The following IFFO2 variants were observed in gnomAD, a reference collection of about 807,000 sequenced individuals.
The protein encoded by IFFO2 is intermediate filament family orphan 2.
A neutral mutation model predicts 53.5 loss-of-function variants in IFFO2; 19 were observed. That is an observed-to-expected ratio of 0.36 (90% CI 0.25 to 0.52). The LOEUF (loss-of-function observed/expected upper bound fraction) is 0.52, where lower values mean the gene tolerates loss of function less well. IFFO2 is among the 20% of genes least tolerant of loss of function. IFFO2 has a pLI of 0.94. For missense variants in IFFO2, 570 were observed against 727.4 expected (o/e 0.78, Z 2.49); for synonymous variants, 303 against 313.6 (o/e 0.97, Z 0.36).
chr1:18,955,865 G>A lies in IFFO2; in HGVS notation c.468C>T (p.Arg156=). Residue 156 remains arginine (R), a synonymous_variant, in exon 1 of 9, where the codon CGC becomes CGT. Transcript: ENST00000455833. The part of the protein sequence containing the change: ...GGGSHPQHYG[R]LPGTIWSYTQ... ...TGTAGCTCCAGATGGTCCCGGGCAG[G>A]CGGCCGTAGTGCTGCGGGTGCGAGC... is the stretch of plus-strand genomic sequence containing the variant. The A allele has an allele frequency of 2.1e-6, 3 of 1,444,482 alleles. No individual in the cohort carries two copies. Among genetic ancestry groups the A allele is most frequent in the Non-Finnish European group, 2.7e-6 (3 of 1,107,356 alleles). The allele number at this position is 1,444,482 out of a possible 1,614,324, so 89.5% of individuals were successfully genotyped here.
chr1:18,927,742 G>A (rs1047787358), intron 1 of IFFO2, among the ~76,000 whole-genome samples: 1 of 152,244 alleles, frequency 6.6e-6, no homozygotes, highest in South Asian at 2.1e-4. Flanking sequence ...GACCAGGGGA[G>A]CCCTTTCTGC....
chr1:18,937,360 T>G (rs980690974), intron 1 of IFFO2, among the ~76,000 whole-genome samples: 1 of 152,062 alleles, frequency 6.6e-6, no homozygotes, highest in African/African-American at 2.4e-5. Context: ...CCAAAAGAAT[T>G]AGTGACTAAA....
chr1:18,943,626 A>G (rs1400586401), intron 1 of IFFO2, among the ~76,000 whole-genome samples: 2 of 152,194 alleles, frequency 1.3e-5, no homozygotes, highest in African/African-American at 4.8e-5. Context: ...TGTGGGTATC[A>G]TCATCCCATC....
intron 1 of IFFO2, among the ~76,000 whole-genome samples, chr1:18,940,655 TA>T (rs1936508708): frequency 6.6e-6 from 1 of 151,756 alleles, no homozygotes; most frequent in Non-Finnish European, 1.5e-5. Flanking sequence ...TCAAGTAGGG[TA>T]ATCCTGGCAA....
rs181837208 is a variant in IFFO2, at chr1:18,928,246, T to C, written c.666-7125A>G. Among the ~76,000 whole-genome samples the C allele has an allele frequency of 3.5e-3, 532 of 152,068 alleles. 1 individual carries two copies. The highest frequency in any genetic ancestry group is 6.1e-3 in the Non-Finnish European group (416 of 67,976). ...ACCTCTTGTGGCCTCCCGGCTCCCA[T>C]CTCCATGGAGCCCCTGATCCCAAGG... is the stretch of plus-strand genomic sequence containing the variant. On this transcript the variant is annotated intron_variant, in intron 1 of 8. Transcript: ENST00000455833. The surrounding 1 kb of genome is among the most constrained non-coding windows in gnomAD (Gnocchi z 4.9).
intron 8 of IFFO2, among the ~76,000 whole-genome samples, chr1:18,909,065 G>A (rs1935993990): frequency 6.6e-6 from 1 of 151,916 alleles, no homozygotes; most frequent in East Asian, 1.9e-4. Flanking sequence ...TATCTCGGAT[G>A]AGCTGGGGGT....
intron 1 of IFFO2, among the ~76,000 whole-genome samples, chr1:18,933,569 C>T (rs1055266703): frequency 1.3e-5 from 2 of 152,070 alleles, no homozygotes; most frequent in African/African-American, 4.8e-5. Context: ...AGTTCCAGAC[C>T]AGCCTGGGCA....
chr1:18,929,741 C>T (rs546880059), intron 1 of IFFO2, among the ~76,000 whole-genome samples: 1 of 152,332 alleles, frequency 6.6e-6, no homozygotes, highest in East Asian at 1.9e-4. Flanking sequence ...CTTCAGGCAA[C>T]GAGGCAGCAG....
At chr1:18,909,016 C>A (rs764877959) in intron 8 of IFFO2, among the ~76,000 whole-genome samples, 1 of 151,328 alleles carries the variant, frequency 6.6e-6, no homozygotes, top group Non-Finnish European at 1.5e-5. Flanking sequence ...GGAGGCCATG[C>A]GGGATATGGT....
At chr1:18,922,088 C>T (rs1936223864) in intron 1 of IFFO2, among the ~76,000 whole-genome samples, 1 of 152,134 alleles carries the variant, frequency 6.6e-6, no homozygotes. Context: ...CCCAGAGGCA[C>T]AAGCTGAACC....
In IFFO2 at chr1:18,919,878, G is replaced by A; in HGVS notation, c.727-105C>T. The A allele has an allele frequency of 2.8e-6, 2 of 723,842 alleles. No homozygotes were observed. The highest frequency in any genetic ancestry group is 4.7e-6 in the Non-Finnish European group (2 of 429,878). 44.8% of individuals were successfully genotyped at this position (723,842 alleles called of 1,614,324 possible). The stretch of plus-strand genomic sequence containing the variant: ...CCCTAGGCACCCGATGTCCACCCCA[G>A]CTGGGCACCTGCAGCCAGGGAAGGG... On this transcript the variant is annotated intron_variant, in intron 2 of 8. Transcript: ENST00000455833. This position sits in a 1 kb window ranked among gnomAD's most constrained non-coding sequence, Gnocchi z 4.9.
intron 1 of IFFO2, among the ~76,000 whole-genome samples, chr1:18,940,151 GTC>G (rs1936501625): frequency 6.6e-6 from 1 of 152,192 alleles, no homozygotes; most frequent in Non-Finnish European, 1.5e-5. Flanking sequence ...ACCTCTAGAA[GTC>G]TCTCAGAACA....
chr1:18,954,383 C>T (rs1936696388), intron 1 of IFFO2, among the ~76,000 whole-genome samples: 1 of 152,234 alleles, frequency 6.6e-6, no homozygotes, highest in Non-Finnish European at 1.5e-5. Flanking sequence ...TTGATAATCT[C>T]ACCAGCAGGT....
At chr1:18,949,045 G>A (rs181679209) in intron 1 of IFFO2, among the ~76,000 whole-genome samples, 1 of 152,316 alleles carries the variant, frequency 6.6e-6, no homozygotes, top group Admixed American at 6.5e-5. Context: ...GCACTGCCAG[G>A]CTTGGGGGTT....
chr1:18,939,193 G>A (rs537916501), intron 1 of IFFO2, among the ~76,000 whole-genome samples: 7 of 152,310 alleles, frequency 4.6e-5, no homozygotes, highest in East Asian at 1.9e-4. Context: ...GCCCAGGACC[G>A]CCAGGAATCT....
At chr1:18,944,701 C>T (rs189000425) in intron 1 of IFFO2, among the ~76,000 whole-genome samples, 4 of 152,286 alleles carry the variant, frequency 2.6e-5, no homozygotes, top group East Asian at 1.9e-4. Flanking sequence ...CACACACACA[C>T]GTACATACAT....
Position 18,918,495 on chromosome 1 carries a change from G to A in IFFO2, c.830C>T (p.Thr277Ile). Residue 277 changes from threonine to isoleucine, a missense_variant, in exon 4 of 9, where the codon ACA becomes ATA. Transcript: ENST00000455833. This position sits in a 1 kb window ranked among gnomAD's most constrained non-coding sequence, Gnocchi z 5.2. ...TTCTTGGATCTTTGTGTCCAGGTCT[G>A]TCATGGGCTGCAGGGAGGACAGCAG... ...VFKGLMSDPM[T>I]DLDTKIQEKA... The A allele has an allele frequency of 6.4e-7, 1 of 1,553,420 alleles. No individual in the cohort carries two copies. Among genetic ancestry groups the A allele is most frequent in the Non-Finnish European group, 8.7e-7 (1 of 1,147,848 alleles).
rs368586609 is a variant in IFFO2 at position 18,951,655 on chromosome 1, C to T, written c.665+4013G>A. 2.6e-5 allele frequency among the ~76,000 whole-genome samples: 4 copies of T among 152,328 alleles called. No homozygotes were observed. The East Asian group carries it at 5.8e-4, about 22-fold the overall frequency. ...CCAGTCCATGGCAACTTTGTGACAG[C>T]TGCCAGGCTGGAGGGACCTTTTTCT... On this transcript the variant is annotated intron_variant, in intron 1 of 8. Coordinates refer to ENST00000455833, the MANE Select transcript of IFFO2 (RefSeq NM_001136265.2).
chr1:18,931,540 C>A (rs1264421175), intron 1 of IFFO2, among the ~76,000 whole-genome samples: 1 of 152,236 alleles, frequency 6.6e-6, no homozygotes, highest in African/African-American at 2.4e-5. Flanking sequence ...TCCTTCAGCA[C>A]TGGCATCCAG....
Sources: allele counts gnomAD v4.1 joint callset (sites outside exome capture counted in the v4.1 genomes callset), GRCh38; gene constraint gnomAD v4.1.1; non-coding constraint Gnocchi (gnomAD v3.1); transcripts MANE v1.5; gene names NCBI Gene and HGNC (gene_info 2026-07-23, HGNC 2026-07-21).